The following PDE3B variants were observed in gnomAD, a reference collection of about 807,000 sequenced individuals.
PDE3B encodes phosphodiesterase 3B, also known as cGMP-inhibited 3',5'-cyclic phosphodiesterase 3B.
Under a neutral mutation model 116.8 loss-of-function variants are expected in PDE3B, and 66 were observed. The observed-to-expected ratio is 0.56, with a 90% CI of 0.46 to 0.69. The LOEUF is 0.69. Among genes scored for constraint, PDE3B ranks in the 30% least tolerant of loss-of-function variants. The pLI, the probability that PDE3B is intolerant of heterozygous loss-of-function variation, is 0.00. For missense variants in PDE3B, 1,384 were observed against 1,368.1 expected, an observed-to-expected ratio of 1.01 and a Z score of -0.18; for synonymous variants, 595 against 533.6, an observed-to-expected ratio of 1.12 and a Z score of -1.59.
intron 1 of PDE3B, among the ~76,000 whole-genome samples, chr11:14,645,671 A>G (rs902983267): frequency 2.0e-5 from 3 of 152,230 alleles, no homozygotes; most frequent in African/African-American, 7.2e-5. Context: ...TATTTGTTGC[A>G]TAATTAGGAG....
rs181113493 is a variant in PDE3B at position 14,697,923 on chromosome 11, C to T, written c.978+52870C>T. ...AACAACCTTACTAAATTTGCTTATTCGTTGTAGTTGGTATATAATCATGTT... is the reference window on the plus strand; with the variant it reads ...AACAACCTTACTAAATTTGCTTATTTGTTGTAGTTGGTATATAATCATGTT... On this transcript the variant is annotated intron_variant, in intron 1 of 15. Transcript: ENST00000282096. 5.6e-3 allele frequency among the ~76,000 whole-genome samples: 853 copies of T among 151,956 alleles called. 14 individuals carry two copies. Among genetic ancestry groups the T allele is most frequent in the Admixed American group, 4.3e-3 (65 of 15,226 alleles).
intron 12 of PDE3B, among the ~76,000 whole-genome samples, chr11:14,850,229 A>C (rs907141311): frequency 3.9e-5 from 6 of 152,130 alleles, no homozygotes; most frequent in African/African-American, 1.4e-4. Flanking sequence ...TCAGTAAACT[A>C]TCGCAAGAAC....
At chr11:14,784,946 T>C (rs950054910) in intron 2 of PDE3B, among the ~76,000 whole-genome samples, 4 of 152,148 alleles carry the variant, frequency 2.6e-5, no homozygotes, top group African/African-American at 9.6e-5. Flanking sequence ...ATTGTTTTTG[T>C]GTGTGTTCCA....
chr11:14,653,802 C>T (rs1041956346), intron 1 of PDE3B, among the ~76,000 whole-genome samples: 3 of 152,004 alleles, frequency 2.0e-5, no homozygotes, highest in Non-Finnish European at 4.4e-5. Context: ...AGTTCGAGAC[C>T]AGCCTGGGCA....
intron 1 of PDE3B, among the ~76,000 whole-genome samples, chr11:14,749,637 G>A (rs2133874061): frequency 6.6e-6 from 1 of 151,378 alleles, no homozygotes; most frequent in Non-Finnish European, 1.5e-5. Context: ...AATACTTTTG[G>A]TTCCTTCAGC....
chr11:14,878,094 C>T, the PDE3B span: 1 of 1,611,634 alleles, frequency 6.2e-7, no homozygotes. Context: ...AATATACATT[C>T]TTGTTCCCGA....
rs1216370196 is a variant in PDE3B at position 14,644,837 on chromosome 11, C to T, written c.762C>T (p.Gly254=). Reference sequence around the variant, plus strand: ...CGCTGCTCTCCGGCCTGGTGGGGGGCGCTGGCTGCCTGCTGGCCCTGGGGT... The same window carrying T: ...CGCTGCTCTCCGGCCTGGTGGGGGGTGCTGGCTGCCTGCTGGCCCTGGGGT... The part of the protein sequence containing the change: ...LRPLLSGLVG[G]AGCLLALGLD... Residue 254 remains glycine, a synonymous_variant, in exon 1 of 16, where the codon GGC becomes GGT. Coordinates refer to ENST00000282096, the MANE Select transcript of PDE3B (RefSeq NM_000922.4). 1.2e-6 allele frequency: 2 copies of T among 1,611,910 alleles called. No homozygotes were observed. Among genetic ancestry groups the T allele is most frequent in the Non-Finnish European group, 1.7e-6 (2 of 1,178,856 alleles).
intron 2 of PDE3B, among the ~76,000 whole-genome samples, chr11:14,778,526 G>A (rs1465462037): frequency 1.3e-5 from 2 of 152,234 alleles, no homozygotes; most frequent in East Asian, 3.9e-4. Context: ...CAGTTCTGCA[G>A]TCTGCACTGG....
At chr11:14,789,069 G>A (rs758642154) in intron 3 of PDE3B, 37 bp from the exon 4 acceptor site, 6 of 1,514,188 alleles carry the variant, frequency 4.0e-6, no homozygotes, top group Non-Finnish European at 5.4e-6. Flanking sequence ...GCATATTAAA[G>A]AGTGACATTT....
chr11:14,856,853 CAAAA>C (rs1247235011), intron 12 of PDE3B, among the ~76,000 whole-genome samples: 1 of 91,680 alleles, frequency 1.1e-5, no homozygotes. Flanking sequence ...GAGTCCATCT[CAAAA>C]AAAAAAAAAA....
intron 1 of PDE3B, among the ~76,000 whole-genome samples, chr11:14,722,886 T>C (rs1443405046): frequency 6.6e-6 from 1 of 152,206 alleles, no homozygotes; most frequent in East Asian, 1.9e-4. Flanking sequence ...TTTTTTAGAA[T>C]GGAGGTGCTT....
intron 4 of PDE3B, among the ~76,000 whole-genome samples, chr11:14,790,500 A>G (rs1484535881): frequency 6.6e-6 from 1 of 152,088 alleles, no homozygotes; most frequent in East Asian, 1.9e-4. Context: ...CTGATGTAAC[A>G]GCAATGCATT....
At chr11:14,809,886 T>C (rs567914880) in intron 5 of PDE3B, among the ~76,000 whole-genome samples, 2 of 122,152 alleles carry the variant, frequency 1.6e-5, no homozygotes, top group African/African-American at 5.6e-5. Context: ...TTGCCCAGAC[T>C]AAAGTATTTT....
chr11:14,765,946 A>G (rs1857483273), intron 1 of PDE3B, among the ~76,000 whole-genome samples: 1 of 151,390 alleles, frequency 6.6e-6, no homozygotes, highest in African/African-American at 2.4e-5. Flanking sequence ...TTTACTGTCT[A>G]CTTGGAAGTA....
At chr11:14,837,990 T>G (rs1450975315) in intron 11 of PDE3B, among the ~76,000 whole-genome samples, 1 of 151,924 alleles carries the variant, frequency 6.6e-6, no homozygotes, top group African/African-American at 2.4e-5. Context: ...TATTTTATTT[T>G]TTTTTTGAGA....
chr11:14,829,315 T>C (rs544256418), intron 7 of PDE3B, among the ~76,000 whole-genome samples: 26 of 151,886 alleles, frequency 1.7e-4, no homozygotes, highest in African/African-American at 6.3e-4. Flanking sequence ...AATAAATAAA[T>C]GAAAAAAAAT....
the PDE3B span, among the ~76,000 whole-genome samples, chr11:14,885,516 G>A: frequency 2.6e-5 from 4 of 152,150 alleles, no homozygotes; most frequent in African/African-American, 4.8e-5. Context: ...CACAAAACCT[G>A]CAGATGTTAT....
At chr11:14,690,749 T>C (rs909530020) in intron 1 of PDE3B, among the ~76,000 whole-genome samples, 1 of 152,114 alleles carries the variant, frequency 6.6e-6, no homozygotes, top group Non-Finnish European at 1.5e-5. Context: ...TTTTAAATGA[T>C]GCATTGGGGT....
chr11:14,759,096 C>G (rs562829664), intron 1 of PDE3B, among the ~76,000 whole-genome samples: 1 of 152,118 alleles, frequency 6.6e-6, no homozygotes, highest in East Asian at 1.9e-4. Context: ...ATTGAACCAG[C>G]CTTGCATCCC....
Sources: allele counts gnomAD v4.1 joint callset (sites outside exome capture counted in the v4.1 genomes callset), GRCh38; gene constraint gnomAD v4.1.1; transcripts MANE v1.5; gene names NCBI Gene and HGNC (gene_info 2026-07-23, HGNC 2026-07-21).